Variants in UBR1 observed in about 807,000 individuals in gnomAD.
UBR1 encodes E3 ubiquitin-protein ligase UBR1.
UBR1 carries 102 observed loss-of-function variants against 242.1 expected under a neutral mutation model. The observed-to-expected ratio is 0.42, with a 90% confidence interval of 0.36 to 0.50. The LOEUF (loss-of-function observed/expected upper bound fraction) is 0.50. Among genes scored for constraint, UBR1 ranks in the 20% least tolerant of loss-of-function variants. The pLI is 0.01. For missense variants in UBR1, 1,772 were observed against 2,101.8 expected (o/e 0.84, Z 3.07); for synonymous variants, 675 against 684.8 (o/e 0.99, Z 0.22).
chr15:43,021,183 T>C (rs2033106022), intron 27 of UBR1, 92 bp downstream of exon 27: 1 of 967,978 alleles, frequency 1.0e-6, no homozygotes, highest in Middle Eastern at 2.7e-4. Flanking sequence ...GTAGTAAATG[T>C]CTACAATGGT....
chr15:43,062,102 T>C (rs1347901071), intron 6 of UBR1, among the ~76,000 whole-genome samples: 1 of 151,992 alleles, frequency 6.6e-6, no homozygotes, highest in East Asian at 1.9e-4. Flanking sequence ...AAATTAGAAA[T>C]AGAATTCCCA....
chr15:43,013,228 G>A (rs2032953018), intron 29 of UBR1, among the ~76,000 whole-genome samples: 1 of 152,158 alleles, frequency 6.6e-6, no homozygotes, highest in South Asian at 2.1e-4. Context: ...GTTTTAAACA[G>A]CAGTGAAAGC....
At chr15:42,960,058 C>T (rs537369630) in intron 43 of UBR1, among the ~76,000 whole-genome samples, 14 of 152,226 alleles carry the variant, frequency 9.2e-5, no homozygotes, top group African/African-American at 2.6e-4. Context: ...AGTTCTTATT[C>T]GTCAGTTATT....
chr15:43,038,263 GA>G (rs748557796), intron 15 of UBR1, 31 bp from the exon 16 acceptor site: 1 of 1,608,024 alleles, frequency 6.2e-7, no homozygotes, highest in Non-Finnish European at 8.5e-7. Context: ...GAGAAAATGA[GA>G]AAACAAACCC....
Position 43,002,539 on chromosome 15 carries a change from A to G in UBR1, c.3659+16T>C, listed in dbSNP as rs768402808. 4 of 1,612,444 alleles carry G rather than the reference A, an allele frequency of 2.5e-6. No homozygotes were observed. Among genetic ancestry groups the G allele is most frequent in the Non-Finnish European group, 3.4e-6 (4 of 1,179,044 alleles). On this transcript the variant is annotated intron_variant, in intron 32 of 46. Coordinates refer to ENST00000290650, the MANE Select transcript of UBR1 (RefSeq NM_174916.3). ...CAACTTTTAAAAAATTAACCAAAAC[A>G]TAAATTAAAATATACCTGTTTATCT...
intron 11 of UBR1, 115 bp downstream of exon 11, chr15:43,056,229 T>G: frequency 1.2e-6 from 1 of 855,280 alleles, no homozygotes; most frequent in Admixed American, 1.9e-5. Flanking sequence ...AGTATTCACA[T>G]AGCCCAACTT....
chr15:42,977,594 G>C (rs758446609), intron 38 of UBR1, among the ~76,000 whole-genome samples: 1 of 150,888 alleles, frequency 6.6e-6, no homozygotes, highest in Admixed American at 6.6e-5. Flanking sequence ...GGCCAGAAGA[G>C]GAGCATAATA....
At chr15:42,948,486 G>A (rs2031774713) in intron 46 of UBR1, among the ~76,000 whole-genome samples, 1 of 152,146 alleles carries the variant, frequency 6.6e-6, no homozygotes, top group Non-Finnish European at 1.5e-5. Flanking sequence ...CCATCAGAGT[G>A]AACAGGCAAC....
intron 38 of UBR1, 111 bp from the exon 39 acceptor site, chr15:42,976,978 T>TG (rs2032301190): frequency 2.5e-6 from 3 of 1,213,818 alleles, no homozygotes; most frequent in Non-Finnish European, 3.5e-6. Context: ...TGTGTGTGTG[T>TG]TTTTTAATAA....
chr15:43,059,977 A>T, intron 7 of UBR1, 75 bp downstream of exon 7: 2 of 1,578,120 alleles, frequency 1.3e-6, no homozygotes, highest in Non-Finnish European at 1.7e-6. Context: ...ATCATCACTC[A>T]AATTATTCTA....
At chr15:43,083,897 A>T (rs773361541) in intron 2 of UBR1, among the ~76,000 whole-genome samples, 3 of 151,890 alleles carry the variant, frequency 2.0e-5, no homozygotes, top group Non-Finnish European at 4.4e-5. Context: ...ACAAAAAATT[A>T]GCCAGGCATG....
At chr15:42,963,679 A>G (rs1305450233) in intron 42 of UBR1, among the ~76,000 whole-genome samples, 5 of 102,470 alleles carry the variant, frequency 4.9e-5, no homozygotes, top group Non-Finnish European at 8.9e-5. Context: ...CCCACCCCCA[A>G]TTTAAAACAG....
intron 3 of UBR1, among the ~76,000 whole-genome samples, chr15:43,082,356 T>G (rs1002832443): frequency 1.3e-5 from 2 of 152,162 alleles, no homozygotes; most frequent in African/African-American, 4.8e-5. Context: ...AAAATTTTGT[T>G]TGTTTTCTTG....
intron 27 of UBR1, among the ~76,000 whole-genome samples, chr15:43,018,020 T>G (rs1038762540): frequency 3.3e-5 from 5 of 151,812 alleles, no homozygotes. Flanking sequence ...TTTTTTTTTT[T>G]TTAACAGGGT....
At chr15:43,006,939 T>C in intron 30 of UBR1, 140 bp downstream of exon 30, 1 of 795,692 alleles carries the variant, frequency 1.3e-6, no homozygotes, top group Admixed American at 2.6e-5. Flanking sequence ...TATTCCTGGA[T>C]TATTATTACT....
chr15:43,024,857 T>C lies in UBR1; in HGVS notation c.2711A>G (p.Asn904Ser). 1 of 1,614,148 alleles carries C rather than the reference T, an allele frequency of 6.2e-7. No individual in the cohort carries two copies. The highest frequency in any genetic ancestry group is 8.5e-7 in the Non-Finnish European group (1 of 1,180,012). The change falls in exon 25 of 47, where the codon AAC (asparagine) becomes AGC (serine). Residue 904 changes from asparagine (N) to serine (S), a missense_variant. Physicochemically the swap from Asn to Ser is conservative, Grantham distance 46 (BLOSUM62 1). Around this residue, in one of 3 missense-constraint regions of UBR1, gnomAD observed 965 missense variants for 1,079.7 expected, o/e 0.89. Coordinates refer to ENST00000290650, the MANE Select transcript of UBR1 (RefSeq NM_174916.3). The part of the protein sequence containing the change: ...VFERAIDTDS[N>S]LWTEGMLQMA... ...TTGGAGCATCCCTTCGGTCCACAAGTTAGAATCTGTGTCTATTGCCCGCTC... is the reference window on the plus strand; with the variant it reads ...TTGGAGCATCCCTTCGGTCCACAAGCTAGAATCTGTGTCTATTGCCCGCTC...
At chr15:42,950,793 T>G (rs1438674686) in intron 45 of UBR1, among the ~76,000 whole-genome samples, 1 of 152,226 alleles carries the variant, frequency 6.6e-6, no homozygotes, top group Non-Finnish European at 1.5e-5. Context: ...ACTAGGGAAG[T>G]ATGCCAGCTT....
intron 46 of UBR1, among the ~76,000 whole-genome samples, chr15:42,949,963 C>A (rs2031802375): frequency 6.6e-6 from 1 of 151,014 alleles, no homozygotes; most frequent in Admixed American, 6.6e-5. Context: ...CTCAGCCTCC[C>A]AAGTAGCTGC....
Position 43,021,322 on chromosome 15 carries a change from T to C in UBR1, c.2893A>G (p.Ile965Val). The C allele has an allele frequency of 6.2e-7, 1 of 1,613,816 alleles. No individual in the cohort carries two copies. Among genetic ancestry groups the C allele is most frequent in the Non-Finnish European group, 8.5e-7 (1 of 1,179,832 alleles). The change falls in exon 27 of 47, where the codon ATT becomes GTT. Residue 965 changes from isoleucine to valine, a missense_variant. Physicochemically the swap from Ile to Val is conservative, Grantham distance 29 (BLOSUM62 3). Coordinates refer to ENST00000290650, the MANE Select transcript of UBR1 (RefSeq NM_174916.3). ...TCCTTCTGGCCTTCTAACTGGGGAA[T>C]TCCTTTGAGTTTTTCCAAAAGCATT... ...IQMLLEKLKG[I>V]PQLEGQKDMI...
Sources: allele counts gnomAD v4.1 joint callset (sites outside exome capture counted in the v4.1 genomes callset), GRCh38; gene constraint gnomAD v4.1.1; regional missense constraint gnomAD v4.1.1; transcripts MANE v1.5; gene names NCBI Gene and HGNC (gene_info 2026-07-23, HGNC 2026-07-21).